Variants in TUT7 observed in about 807,000 individuals in gnomAD.
The protein encoded by TUT7 is terminal uridylyltransferase 7.
In TUT7, 33 loss-of-function variants were observed where a neutral mutation model predicts 165.9. The observed-to-expected ratio is 0.20, with a 90% CI of 0.15 to 0.27. The LOEUF is 0.27. Among genes scored for constraint, TUT7 ranks in the 10% least tolerant of loss-of-function variants. TUT7 has a pLI of 1.00. For synonymous variants in TUT7, 552 were observed against 608.1 expected (o/e 0.91, Z 1.36); for missense variants, 1,338 against 1,762.3 (o/e 0.76, Z 4.31).
At chr9:86,322,845 T>A (rs1286036032) in intron 13 of TUT7, 28 bp downstream of exon 13, 2 of 1,542,250 alleles carry the variant, frequency 1.3e-6, no homozygotes, top group Non-Finnish European at 1.7e-6. Context: ...AGTCTCCTAG[T>A]TCTATGACTA....
At chr9:86,312,489 G>C (rs1185970455) in intron 17 of TUT7, among the ~76,000 whole-genome samples, 5 of 150,652 alleles carry the variant, frequency 3.3e-5, no homozygotes, top group Non-Finnish European at 7.4e-5. Context: ...GGAGGGAGGT[G>C]GGGGGGTCAG....
intron 26 of TUT7, among the ~76,000 whole-genome samples, chr9:86,295,154 C>T (rs545254023): frequency 1.3e-3 from 198 of 151,956 alleles, no homozygotes; most frequent in African/African-American, 4.8e-3. Context: ...TCATCTTATG[C>T]TGAAATTCTG....
chr9:86,294,274 C>CAAAAAAAAAA (rs11338696), intron 26 of TUT7, among the ~76,000 whole-genome samples: 1 of 96,848 alleles, frequency 1.0e-5, no homozygotes, highest in Non-Finnish European at 2.0e-5. Context: ...TGCCATGAGG[C>CAAAAAAAAAA]AAAAAAAAAA....
Position 86,337,462 on chromosome 9 carries a change from T to C in TUT7, c.1412A>G (p.Gln471Arg). ...VFALMAIFFL[Q>R]QRKEPLLPVY... ...AGGCAAAAGGGGTTCTTTCCTCTGC[T>C]GAAGAAAGAAAATGGCCATCAGGGC... Residue 471 changes from glutamine to arginine, a missense_variant, in exon 10 of 27, where the codon CAG becomes CGG. By Grantham distance (43) the Gln-to-Arg change is conservative. Transcript: ENST00000375963. 6.2e-7 allele frequency: 1 copy of C among 1,613,926 alleles called. No homozygotes were observed. Among genetic ancestry groups the C allele is most frequent in the East Asian group, 2.2e-5 (1 of 44,830 alleles).
At position 86,304,415 on chromosome 9, in the gene TUT7, T is replaced by G. The variant is rs145588282; in HGVS notation, c.3978+441A>C. ...GAGTATCAAGTTACATGAGAAGAGA[T>G]AGCTGTCTGCTACAGGAAGCACTGT... On this transcript the variant is annotated intron_variant, in intron 24 of 26. Coordinates refer to ENST00000375963, the MANE Select transcript of TUT7 (RefSeq NM_024617.4). Among the ~76,000 whole-genome samples the G allele has an allele frequency of 1.6e-4, 24 of 152,312 alleles. No homozygotes were observed. The East Asian group carries it at 1.7e-3, about 11-fold the overall frequency.
In TUT7 at chr9:86,345,109, G is replaced by T; in HGVS notation, c.865C>A (p.Pro289Thr). ...ELLTTLPPPT[P>T]SQINAVGIAI... is the part of the protein sequence containing the mutation. ...ATGCCAACTGCATTTATCTGGGAGG[G>T]TGTTGGTGGGGGTAACGTAGTGAGC... The change falls in exon 5 of 27, where the codon CCC (proline) becomes ACC (threonine). Residue 289 changes from proline (P) to threonine (T), a missense_variant. Transcript: ENST00000375963. The T allele has an allele frequency of 6.2e-7, 1 of 1,613,516 alleles. No individual in the cohort carries two copies. The highest frequency in any genetic ancestry group is 8.5e-7 in the Non-Finnish European group (1 of 1,179,776).
At chr9:86,349,278 T>G (rs1832062917) in intron 2 of TUT7, among the ~76,000 whole-genome samples, 1 of 146,312 alleles carries the variant, frequency 6.8e-6, no homozygotes, top group South Asian at 2.1e-4. Context: ...AAACTCCATC[T>G]CAAAAAAAAA....
At chr9:86,321,230 G>A (rs1002384021) in intron 14 of TUT7, among the ~76,000 whole-genome samples, 2 of 151,692 alleles carry the variant, frequency 1.3e-5, no homozygotes, top group Non-Finnish European at 1.5e-5. Context: ...GGTGGTGCAT[G>A]ACTGTAATTC....
chr9:86,305,852 T>C (rs960840172), intron 22 of TUT7, among the ~76,000 whole-genome samples: 2 of 152,168 alleles, frequency 1.3e-5, no homozygotes, highest in South Asian at 4.1e-4. Context: ...GACTCTCATT[T>C]GATCTTACAT....
At chr9:86,348,016 C>CTATA (rs1831924060) in intron 2 of TUT7, among the ~76,000 whole-genome samples, 1 of 152,136 alleles carries the variant, frequency 6.6e-6, no homozygotes, top group Admixed American at 6.5e-5. Flanking sequence ...GGCAAAAACT[C>CTATA]TATAAATTTA....
At chr9:86,348,171 G>C (rs568308573) in intron 2 of TUT7, among the ~76,000 whole-genome samples, 1 of 152,246 alleles carries the variant, frequency 6.6e-6, no homozygotes, top group South Asian at 2.1e-4. Context: ...TCATTTTCTA[G>C]AAAGAGTAAC....
chr9:86,296,207 G>A (rs1587846471), intron 26 of TUT7, among the ~76,000 whole-genome samples: 1 of 152,308 alleles, frequency 6.6e-6, no homozygotes, highest in East Asian at 1.9e-4. Context: ...CAATAGTCCT[G>A]TGAGGTGTTA....
chr9:86,319,872 G>A (rs188451245), intron 14 of TUT7, among the ~76,000 whole-genome samples: 6 of 152,040 alleles, frequency 3.9e-5, no homozygotes, highest in South Asian at 2.1e-4. Context: ...TGGTTCTGTC[G>A]GCCAGGCTGC....
intron 26 of TUT7, among the ~76,000 whole-genome samples, chr9:86,294,274 C>CAAA (rs11338696): frequency 1.9e-4 from 18 of 96,808 alleles, no homozygotes; most frequent in South Asian, 3.5e-4. Context: ...TGCCATGAGG[C>CAAA]AAAAAAAAAA....
intron 2 of TUT7, among the ~76,000 whole-genome samples, chr9:86,347,975 T>C (rs1393928433): frequency 2.0e-5 from 3 of 152,134 alleles, no homozygotes; most frequent in African/African-American, 4.8e-5. Context: ...AAAAACTGCA[T>C]CTAACTTCAG....
rs1830000025 is a variant in TUT7, at chr9:86,328,383, G to A, written c.1565C>T (p.Thr522Ile). 3 of 1,609,236 alleles carry A rather than the reference G, an allele frequency of 1.9e-6. No individual in the cohort carries two copies. The highest frequency in any genetic ancestry group is 1.1e-5 in the South Asian group (1 of 90,454). Residue 522 changes from threonine (T) to isoleucine (I), a missense_variant, in exon 11 of 27, where the codon ACA becomes ATA. Physicochemically the swap from Thr to Ile is moderately conservative, Grantham distance 89. Coordinates refer to ENST00000375963, the MANE Select transcript of TUT7 (RefSeq NM_024617.4). ...CGTTTCTCTTGGTGCCTCTTCTTTT[G>A]TTATGCCTGTGTCCCCTGCAGCACT... ...TDSAAGDTGI[T>I]KEEAPRETPI...
chr9:86,306,831 C>G (rs890419854), intron 22 of TUT7, among the ~76,000 whole-genome samples: 3 of 152,096 alleles, frequency 2.0e-5, no homozygotes, highest in Non-Finnish European at 4.4e-5. Flanking sequence ...CTACTATCAC[C>G]ACTGAAATGC....
At position 86,288,564 on chromosome 9, in the gene TUT7, T is replaced by G. The variant is rs1825687522; in HGVS notation, c.*113A>C. 2.9e-6 allele frequency: 2 copies of G among 682,882 alleles called. No homozygotes were observed. The highest frequency in any genetic ancestry group is 3.5e-5 in the Admixed American group (1 of 28,724). 42.3% of individuals were successfully genotyped at this position (682,882 alleles called of 1,614,324 possible). On this transcript the variant is annotated 3_prime_UTR_variant, in exon 27 of 27. Coordinates refer to ENST00000375963, the MANE Select transcript of TUT7 (RefSeq NM_024617.4). The stretch of plus-strand genomic sequence containing the variant: ...TTAAAAAAAAATCTGACATTTCCCT[T>G]AAATGTTAAGTTGAAGCCTGATCTA...
chr9:86,336,301 G>A (rs952204644), intron 10 of TUT7, among the ~76,000 whole-genome samples: 1 of 152,122 alleles, frequency 6.6e-6, no homozygotes, highest in East Asian at 1.9e-4. Flanking sequence ...ATCAACTAAG[G>A]GTTGACTTTG....
Sources: gnomAD v4.1 joint callset for allele counts (sites outside exome capture counted in the v4.1 genomes callset) on GRCh38, gnomAD v4.1.1 for gene constraint, MANE v1.5 for transcripts, NCBI Gene and HGNC (gene_info 2026-07-23, HGNC 2026-07-21) for gene names.